Variants in SIK3 observed in about 807,000 individuals in gnomAD.
The protein encoded by SIK3 is serine/threonine-protein kinase SIK3.
A neutral mutation model predicts 144.2 loss-of-function variants in SIK3; 28 were observed. The ratio of observed to expected loss-of-function variants is 0.19; its 90% CI spans 0.14 to 0.27. SIK3 has a LOEUF of 0.27. Ranked by LOEUF, SIK3 falls within the 10% of genes least tolerant of loss-of-function variation. SIK3 has a pLI of 1.00. For missense variants in SIK3, 1,319 were observed against 1,776.0 expected, an observed-to-expected ratio of 0.74 and a Z score of 4.62; for synonymous variants, 686 against 676.3, an observed-to-expected ratio of 1.01 and a Z score of -0.22.
chr11:116,968,931 C>T (rs545249177), intron 1 of SIK3, among the ~76,000 whole-genome samples: 12 of 152,272 alleles, frequency 7.9e-5, no homozygotes, highest in East Asian at 3.9e-4. Context: ...AGCCAATTAA[C>T]ATGACCCCTA....
intron 1 of SIK3, among the ~76,000 whole-genome samples, chr11:117,037,741 C>A (rs7118591): frequency 0.32 from 48,051 of 151,858 alleles, 8,668 homozygotes; most frequent in African/African-American, 0.5. Context: ...CTAGATAAAG[C>A]AACAGTTTCC....
At chr11:116,987,276 CAGCATCTAAGAGAAA>C (rs1950354548) in intron 1 of SIK3, among the ~76,000 whole-genome samples, 1 of 148,182 alleles carries the variant, frequency 6.7e-6, no homozygotes, top group African/African-American at 2.5e-5. Flanking sequence ...AATTCCTGGC[CAGCATCTAAGAGAAA>C]TGTGTGTATT....
At chr11:116,875,048 G>T in intron 11 of SIK3, 110 bp downstream of exon 11, 1 of 790,356 alleles carries the variant, frequency 1.3e-6, no homozygotes, top group Non-Finnish European at 2.1e-6. Context: ...CACTGGATTA[G>T]ATCTCCTCTG....
chr11:117,041,570 A>T (rs1001102190), intron 1 of SIK3, among the ~76,000 whole-genome samples: 3 of 152,194 alleles, frequency 2.0e-5, no homozygotes, highest in Non-Finnish European at 4.4e-5. Context: ...AATATCTGAA[A>T]ATAATTGGGA....
intron 3 of SIK3, among the ~76,000 whole-genome samples, chr11:116,948,438 C>T (rs186010033): frequency 7.9e-5 from 12 of 152,060 alleles, no homozygotes; most frequent in East Asian, 3.9e-4. Flanking sequence ...CTACCACATC[C>T]GGCTAATTTT....
At chr11:116,848,172 G>T (rs1942142337) in intron 22 of SIK3, among the ~76,000 whole-genome samples, 2 of 147,326 alleles carry the variant, frequency 1.4e-5, no homozygotes, top group South Asian at 4.3e-4. Context: ...AAATTAGCTG[G>T]GCTAAAAAAA....
At chr11:116,927,496 G>A (rs1947339067) in intron 3 of SIK3, 116 bp from the exon 4 acceptor site, 3 of 867,536 alleles carry the variant, frequency 3.5e-6, no homozygotes, top group Admixed American at 2.5e-5. Context: ...GGCAAAATGA[G>A]CAATGAGAGA....
chr11:116,981,000 C>T (rs966273049), intron 1 of SIK3, among the ~76,000 whole-genome samples: 27 of 152,310 alleles, frequency 1.8e-4, no homozygotes, highest in Admixed American at 9.1e-4. Flanking sequence ...GTCTCCTCAT[C>T]ATATTTTTAA....
intron 1 of SIK3, among the ~76,000 whole-genome samples, chr11:117,001,657 G>A (rs376696417): frequency 1.5e-4 from 23 of 152,182 alleles, no homozygotes; most frequent in African/African-American, 4.3e-4. Flanking sequence ...ACTCCAGCCC[G>A]GGCAACAGAG....
At chr11:116,912,103 T>C (rs7123336) in intron 4 of SIK3, among the ~76,000 whole-genome samples, 50,215 of 152,082 alleles carry the variant, frequency 0.33, 9,663 homozygotes, top group African/African-American at 0.54. Flanking sequence ...CCCAACACCC[T>C]AGTTGGTTAG....
At chr11:116,969,531 A>G (rs1949693532) in intron 1 of SIK3, among the ~76,000 whole-genome samples, 1 of 151,742 alleles carries the variant, frequency 6.6e-6, no homozygotes, top group South Asian at 2.1e-4. Context: ...TCTGGGTCAC[A>G]GGTTTCTTGA....
rs558995341 is a variant in SIK3 at position 116,977,143 on chromosome 11, T to C, written c.274-20079A>G. Among the ~76,000 whole-genome samples, 6 of 152,164 alleles carry C rather than the reference T, an allele frequency of 3.9e-5. 1 individual carries two copies. The highest frequency in any genetic ancestry group is 1.4e-4 in the African/African-American group (6 of 41,528). On this transcript the variant is annotated intron_variant, in intron 1 of 24. Transcript: ENST00000445177. ...CCAAATATTTCCGGATCAGCAGACATGCAAAGGCTTCATTAGAATCAAGTC... is the reference window on the plus strand; with the variant it reads ...CCAAATATTTCCGGATCAGCAGACACGCAAAGGCTTCATTAGAATCAAGTC...
chr11:116,929,818 T>C (rs1316722382), intron 3 of SIK3, among the ~76,000 whole-genome samples: 1 of 152,216 alleles, frequency 6.6e-6, no homozygotes, highest in African/African-American at 2.4e-5. Flanking sequence ...CTGAATACTA[T>C]ATAGGGAATA....
chr11:117,010,313 C>T (rs188357383), intron 1 of SIK3, among the ~76,000 whole-genome samples: 19 of 152,258 alleles, frequency 1.2e-4, no homozygotes, highest in East Asian at 9.7e-4. Context: ...AGAGATTCTT[C>T]TCTGCAAAAC....
At chr11:116,894,630 C>A (rs1591253139) in intron 6 of SIK3, among the ~76,000 whole-genome samples, 1 of 152,292 alleles carries the variant, frequency 6.6e-6, no homozygotes, top group African/African-American at 2.4e-5. Flanking sequence ...GGGAAAATTG[C>A]CTAATCTCTC....
intron 3 of SIK3, among the ~76,000 whole-genome samples, chr11:116,934,233 ATGAACGGTATC>A (rs1221030435): frequency 3.9e-5 from 6 of 152,232 alleles, no homozygotes; most frequent in Non-Finnish European, 8.8e-5. Context: ...GTCTAGTACA[ATGAACGGTATC>A]TGACGCATAT....
At chr11:116,862,366 G>C (rs1340336770) in intron 16 of SIK3, 39 bp from the exon 17 acceptor site, 1 of 1,612,108 alleles carries the variant, frequency 6.2e-7, no homozygotes, top group African/African-American at 1.3e-5. Context: ...GATGCAGCCA[G>C]ACCCGCCTCA....
At chr11:117,056,501 G>A (rs1291854407) in intron 1 of SIK3, among the ~76,000 whole-genome samples, 1 of 151,730 alleles carries the variant, frequency 6.6e-6, no homozygotes, top group Admixed American at 6.6e-5. Flanking sequence ...TTGTGCACAT[G>A]TGCCCTAGAA....
chr11:116,933,827 G>GA (rs1565469098), intron 3 of SIK3, among the ~76,000 whole-genome samples: 11 of 152,164 alleles, frequency 7.2e-5, no homozygotes, highest in African/African-American at 2.6e-4. Context: ...CAAAACCTCC[G>GA]GATGGGTTCC....
Sources: gnomAD v4.1 joint callset for allele counts (sites outside exome capture counted in the v4.1 genomes callset) on GRCh38, gnomAD v4.1.1 for gene constraint, MANE v1.5 for transcripts, NCBI Gene and HGNC (gene_info 2026-07-23, HGNC 2026-07-21) for gene names.